Variants in SFI1 observed in about 807,000 individuals in gnomAD.
SFI1 encodes the protein SFI1 centrin binding protein, also known as protein SFI1 homolog.
Under a neutral mutation model 207.5 loss-of-function variants are expected in SFI1, and 195 were observed. The ratio of observed to expected loss-of-function variants is 0.94; its 90% confidence interval spans 0.84 to 1.06. The LOEUF is 1.06. SFI1 is among the 50% of genes least tolerant of loss of function. The pLI is 0.00. For missense variants in SFI1, 1,634 were observed against 1,588.0 expected, an observed-to-expected ratio of 1.03 and a Z score of -0.49; for synonymous variants, 630 against 598.9, an observed-to-expected ratio of 1.05 and a Z score of -0.76.
intron 4 of SFI1, among the ~76,000 whole-genome samples, chr22:31,543,544 T>C (rs2059782847): frequency 6.6e-6 from 1 of 152,160 alleles, no homozygotes; most frequent in African/African-American, 2.4e-5. Context: ...GCATGGTGGC[T>C]CATGCCTATA....
intron 15 of SFI1, among the ~76,000 whole-genome samples, chr22:31,593,284 C>T (rs1233769560): frequency 1.4e-5 from 2 of 139,596 alleles, no homozygotes; most frequent in East Asian, 4.6e-4. Flanking sequence ...TCAGACGGGG[C>T]GGCCGGGCAG....
chr22:31,586,804 G>A (rs923107994), intron 14 of SFI1, among the ~76,000 whole-genome samples: 5 of 152,138 alleles, frequency 3.3e-5, no homozygotes, highest in South Asian at 2.1e-4. Flanking sequence ...CAACACTGGC[G>A]GACAGTCCAG....
intron 4 of SFI1, among the ~76,000 whole-genome samples, chr22:31,544,208 G>A (rs998292733): frequency 6.6e-6 from 1 of 151,956 alleles, no homozygotes; most frequent in Non-Finnish European, 1.5e-5. Flanking sequence ...TAAAAAATCA[G>A]CACCATCTGT....
chr22:31,568,036 T>G (rs1395431677), intron 8 of SFI1, among the ~76,000 whole-genome samples: 1 of 151,828 alleles, frequency 6.6e-6, no homozygotes, highest in Non-Finnish European at 1.5e-5. Flanking sequence ...ATAAAGCAAA[T>G]AATTATGGCA....
intron 24 of SFI1, chr22:31,612,394 A>ATATATATATATATATAT (rs1367477107): frequency 9.3e-6 from 1 of 107,360 alleles, no homozygotes; most frequent in African/African-American, 3.7e-5. Context: ...AAAAAAAAAA[A>ATATATATATATATATAT]AAAAATATAT....
intron 8 of SFI1, among the ~76,000 whole-genome samples, chr22:31,572,146 G>A (rs2063016352): frequency 6.6e-6 from 1 of 152,092 alleles, no homozygotes; most frequent in African/African-American, 2.4e-5. Context: ...AGTTAAACAT[G>A]GTGGACCTTA....
In SFI1 at chr22:31,564,814, A is replaced by ATTTTTTT. The variant is rs776647555; in HGVS notation, c.765+3433_765+3439dup. The stretch of plus-strand genomic sequence containing the variant: ...CATGAGCCACCATGCCTGGCCCAGA[A>ATTTTTTT]TTTTTTTTTTTTTTTTTGAGACGGA... On this transcript the variant is annotated intron_variant, in intron 8 of 32. Coordinates refer to ENST00000400288, the MANE Select transcript of SFI1 (RefSeq NM_001007467.3). Among the ~76,000 whole-genome samples the ATTTTTTT allele has an allele frequency of 5.0e-4, 56 of 111,908 alleles. 5 individuals carry two copies. The highest frequency in any genetic ancestry group is 1.6e-3 in the South Asian group (5 of 3,222). The allele number at this position is 111,908 out of a possible 152,430, so 73.4% of individuals were successfully genotyped here.
intron 4 of SFI1, among the ~76,000 whole-genome samples, chr22:31,533,834 TTC>T (rs72524799): frequency 0.64 from 97,269 of 151,810 alleles, 32,039 homozygotes; most frequent in Non-Finnish European, 0.73. Context: ...ATTGTCAGAA[TTC>T]TCTCTTTTTT....
At chr22:31,575,952 T>C (rs918128368) in intron 10 of SFI1, among the ~76,000 whole-genome samples, 4 of 152,108 alleles carry the variant, frequency 2.6e-5, no homozygotes, top group African/African-American at 9.7e-5. Context: ...AGGAGCTGAG[T>C]GTATTCTAAA....
rs1487654802 is a variant in SFI1 at position 31,585,218 on chromosome 22, A to G, written c.1413+84A>G. ...TTGGAAAGATTCTTGGAAAAGACCT[A>G]TGCCAAGAAGTCTTATCGTTCTGCT... On this transcript the variant is annotated intron_variant, in intron 14 of 32. Transcript: ENST00000400288. 3.3e-6 allele frequency: 4 copies of G among 1,205,848 alleles called. No individual in the cohort carries two copies. The African/African-American group carries it at 4.6e-5, about 14-fold the overall frequency. 74.7% of individuals were successfully genotyped at this position (1,205,848 alleles called of 1,614,324 possible).
Position 31,606,401 on chromosome 22 carries a change from A to G in SFI1, c.2128A>G (p.Thr710Ala). The change falls in exon 21 of 33, where the codon ACT becomes GCT. Residue 710 changes from threonine to alanine, a missense_variant. By Grantham distance (58) the Thr-to-Ala change is moderately conservative. Transcript: ENST00000400288. ...AGCCAAAAAAACCTTTCAAGCAAGT[A>G]CTCATTACAGAAGGACCATATGTTC... ...DEAKKTFQAS[T>A]HYRRTICSKV... is the part of the protein sequence containing the mutation. 1.2e-6 allele frequency: 2 copies of G among 1,613,804 alleles called. No homozygotes were observed. Among genetic ancestry groups the G allele is most frequent in the Non-Finnish European group, 1.7e-6 (2 of 1,179,986 alleles).
Position 31,549,288 on chromosome 22 carries a change from T to TAAAAAAA in SFI1, c.450-945_450-939dup, listed in dbSNP as rs59382278. ...CTAGGTGACAGAGTGAGACCCTGTG[T>TAAAAAAA]AAAAAAAAAAAAAAAAAAAAAAAAA... On this transcript the variant is annotated intron_variant, in intron 5 of 32. Transcript: ENST00000400288. 2.3e-3 allele frequency among the ~76,000 whole-genome samples: 84 copies of TAAAAAAA among 37,216 alleles called. 7 individuals are homozygous for TAAAAAAA. Among genetic ancestry groups the TAAAAAAA allele is most frequent in the African/African-American group, 5.1e-3 (41 of 8,066 alleles). 24.4% of individuals were successfully genotyped at this position (37,216 alleles called of 152,430 possible).
intron 27 of SFI1, 127 bp from the exon 28 acceptor site, chr22:31,614,662 T>C: frequency 9.3e-7 from 1 of 1,078,800 alleles, no homozygotes; most frequent in Non-Finnish European, 1.4e-6. Context: ...CCCAGCTTAC[T>C]TGCTGACCTT....
At chr22:31,604,627 C>T (rs1017463985) in intron 19 of SFI1, 7 of 586,346 alleles carry the variant, frequency 1.2e-5, no homozygotes, top group African/African-American at 1.9e-5. Flanking sequence ...AGCCTTGTAG[C>T]GAAAGCAGCT....
chr22:31,615,134 C>T lies in SFI1; in HGVS notation c.3155C>T (p.Thr1052Ile), dbSNP rs752439483. 2 of 1,609,176 alleles carry T rather than the reference C, an allele frequency of 1.2e-6. No homozygotes were observed. The highest frequency in any genetic ancestry group is 1.3e-5 in the African/African-American group (1 of 74,888). Reference sequence around the variant, plus strand: ...CGGCCCTTCCTGGCAGAGGCCCCGACAGCACTGGTCCCACACAGCCCCCTG... The same window carrying T: ...CGGCCCTTCCTGGCAGAGGCCCCGATAGCACTGGTCCCACACAGCCCCCTG... ...LTRPFLAEAP[T>I]ALVPHSPLPG... The change falls in exon 29 of 33, where the codon ACA becomes ATA. Residue 1052 changes from threonine (T) to isoleucine (I), a missense_variant. Physicochemically the swap from Thr to Ile is moderately conservative, Grantham distance 89. Coordinates refer to ENST00000400288, the MANE Select transcript of SFI1 (RefSeq NM_001007467.3).
rs548442072 is a variant in SFI1, at chr22:31,525,881, C to T, written c.93-2809C>T. On this transcript the variant is annotated intron_variant, in intron 2 of 32. Coordinates refer to ENST00000400288, the MANE Select transcript of SFI1 (RefSeq NM_001007467.3). ...ACAGCTTTGTGGTTTATTTTGAAGT[C>T]TGGTGGTGTGATGCCTCCAGCTTTG... Among the ~76,000 whole-genome samples, 3 of 152,186 alleles carry T rather than the reference C, an allele frequency of 2.0e-5. No individual in the cohort carries two copies. In the East Asian group the frequency reaches 5.8e-4, roughly 29 times the overall value.
intron 11 of SFI1, 29 bp downstream of exon 11, chr22:31,578,481 C>A: frequency 6.2e-7 from 1 of 1,602,850 alleles, no homozygotes; most frequent in Non-Finnish European, 8.5e-7. Context: ...GGCACGGGTC[C>A]GCTTGGCAGC....
chr22:31,561,874 T>G (rs2061741459), intron 8 of SFI1, among the ~76,000 whole-genome samples: 1 of 152,224 alleles, frequency 6.6e-6, no homozygotes, highest in Non-Finnish European at 1.5e-5. Context: ...AACTTTCTTA[T>G]CCTTTGACAT....
chr22:31,561,730 G>A (rs2061724570), intron 8 of SFI1, among the ~76,000 whole-genome samples: 1 of 152,134 alleles, frequency 6.6e-6, no homozygotes, highest in Admixed American at 6.6e-5. Context: ...AAAATAATTG[G>A]GGCAGAAAAG....
Sources: allele counts gnomAD v4.1 joint callset (sites outside exome capture counted in the v4.1 genomes callset), GRCh38; gene constraint gnomAD v4.1.1; transcripts MANE v1.5; gene names NCBI Gene and HGNC (gene_info 2026-07-23, HGNC 2026-07-21).